FARS2: variants seen among roughly 807,000 people sequenced by gnomAD.
The protein encoded by FARS2 is phenylalanine--tRNA ligase, mitochondrial.
In FARS2, 40 loss-of-function variants were observed where a neutral mutation model predicts 46.4. The ratio of observed to expected loss-of-function variants is 0.86; its 90% CI spans 0.67 to 1.12. The LOEUF (loss-of-function observed/expected upper bound fraction) is 1.12. FARS2 is among the 50% of genes most tolerant of loss of function. The pLI, the probability that FARS2 is intolerant of heterozygous loss-of-function variation, is 0.00. For synonymous variants in FARS2, 234 were observed against 214.9 expected, an observed-to-expected ratio of 1.09 and a Z score of -0.78; for missense variants, 513 against 567.9, an observed-to-expected ratio of 0.90 and a Z score of 0.98.
At chr6:5,279,372 C>T (rs1191028504) in intron 1 of FARS2, among the ~76,000 whole-genome samples, 9 of 55,098 alleles carry the variant, frequency 1.6e-4, no homozygotes, top group Non-Finnish European at 2.3e-4. Context: ...AAGACTCCCT[C>T]TCAAAAAAAA....
chr6:5,405,744 G>A (rs1174294871), intron 3 of FARS2, among the ~76,000 whole-genome samples: 3 of 151,962 alleles, frequency 2.0e-5, no homozygotes, highest in East Asian at 1.9e-4. Context: ...CACCCGCCTC[G>A]GCCTCCCAAA....
intron 6 of FARS2, among the ~76,000 whole-genome samples, chr6:5,719,655 C>T (rs1273281317): frequency 6.6e-6 from 1 of 152,042 alleles, no homozygotes; most frequent in Non-Finnish European, 1.5e-5. Flanking sequence ...TGGACTTTAC[C>T]AGAAGTTCCA....
chr6:5,758,534 T>A (rs11963313), intron 6 of FARS2, among the ~76,000 whole-genome samples: 2 of 152,206 alleles, frequency 1.3e-5, no homozygotes, highest in African/African-American at 4.8e-5. Flanking sequence ...CTCACTTCTC[T>A]TACAAAGAGG....
chr6:5,458,599 A>G (rs1048747839), intron 4 of FARS2, among the ~76,000 whole-genome samples: 1 of 152,088 alleles, frequency 6.6e-6, no homozygotes, highest in African/African-American at 2.4e-5. Flanking sequence ...CAGTTATATA[A>G]TCCACCTCAT....
intron 2 of FARS2, among the ~76,000 whole-genome samples, chr6:5,374,120 G>A (rs1404528288): frequency 6.6e-6 from 1 of 152,116 alleles, no homozygotes; most frequent in Non-Finnish European, 1.5e-5. Context: ...AACAATGTGG[G>A]AAGGTGGATT....
At chr6:5,360,731 T>C (rs1482079831) in intron 1 of FARS2, among the ~76,000 whole-genome samples, 1 of 152,226 alleles carries the variant, frequency 6.6e-6, no homozygotes, top group Non-Finnish European at 1.5e-5. Context: ...GCCCATGAAC[T>C]TTAAAAAATT....
rs189683910 is a variant in FARS2, at chr6:5,412,786, C to A, written c.772+8085C>A. 4.5e-3 allele frequency among the ~76,000 whole-genome samples: 685 copies of A among 152,246 alleles called. 1 individual carries two copies. Among genetic ancestry groups the A allele is most frequent in the Non-Finnish European group, 7.6e-3 (514 of 68,030 alleles). ...GCTCTTTTGGGCTGGCTGCTGTTGC[C>A]TGGCTTGGGGAGTGTTATCCTTCTC... On this transcript the variant is annotated intron_variant, in intron 3 of 6. Transcript: ENST00000274680.
intron 5 of FARS2, among the ~76,000 whole-genome samples, chr6:5,605,986 G>T (rs986411306): frequency 6.6e-6 from 1 of 152,106 alleles, no homozygotes; most frequent in African/African-American, 2.4e-5. Flanking sequence ...TGTTACTGAA[G>T]AATTCACCCA....
intron 6 of FARS2, among the ~76,000 whole-genome samples, chr6:5,740,928 T>G (rs1381271393): frequency 6.6e-6 from 1 of 152,158 alleles, no homozygotes; most frequent in African/African-American, 2.4e-5. Flanking sequence ...GGAGCCTTAT[T>G]GAGGCAGAAT....
At chr6:5,534,863 A>G (rs1480962202) in intron 4 of FARS2, among the ~76,000 whole-genome samples, 2 of 151,988 alleles carry the variant, frequency 1.3e-5, no homozygotes, top group African/African-American at 2.4e-5. Flanking sequence ...GCACGCGCAC[A>G]CACACACACA....
intron 2 of FARS2, among the ~76,000 whole-genome samples, chr6:5,388,118 T>C (rs2127683512): frequency 6.6e-6 from 1 of 152,318 alleles, no homozygotes; most frequent in East Asian, 1.9e-4. Flanking sequence ...TCAGTTATCT[T>C]TGACAGTGGG....
intron 6 of FARS2, among the ~76,000 whole-genome samples, chr6:5,692,953 G>A (rs1223802472): frequency 6.6e-6 from 1 of 152,108 alleles, no homozygotes; most frequent in Admixed American, 6.6e-5. Flanking sequence ...CTCCCCACCA[G>A]AAATGAGGAT....
intron 1 of FARS2, among the ~76,000 whole-genome samples, chr6:5,315,701 A>C (rs1000771081): frequency 1.5e-4 from 9 of 59,818 alleles, no homozygotes; most frequent in African/African-American, 4.1e-4. Context: ...TTATTTCTAA[A>C]GCGTATATTG....
intron 3 of FARS2, among the ~76,000 whole-genome samples, chr6:5,410,376 G>T (rs1334944733): frequency 6.6e-6 from 1 of 151,766 alleles, no homozygotes; most frequent in African/African-American, 2.4e-5. Flanking sequence ...TGTCCACACT[G>T]GTCTCGAACT....
chr6:5,620,482 G>C (rs1329527133), intron 6 of FARS2, among the ~76,000 whole-genome samples: 3 of 152,170 alleles, frequency 2.0e-5, no homozygotes, highest in Non-Finnish European at 4.4e-5. Context: ...GGACAAGCTG[G>C]ACAAATTAAC....
At chr6:5,697,771 G>C (rs1484398583) in intron 6 of FARS2, among the ~76,000 whole-genome samples, 2 of 152,260 alleles carry the variant, frequency 1.3e-5, no homozygotes, top group East Asian at 3.9e-4. Flanking sequence ...TCTCATTTCA[G>C]GGTAAAGTTT....
chr6:5,438,653 A>T (rs750881568), intron 4 of FARS2, among the ~76,000 whole-genome samples: 1 of 152,138 alleles, frequency 6.6e-6, no homozygotes, highest in Non-Finnish European at 1.5e-5. Flanking sequence ...ATACATGTTG[A>T]ATATCCATTA....
At chr6:5,592,224 A>G (rs566454148) in intron 5 of FARS2, among the ~76,000 whole-genome samples, 1 of 152,250 alleles carries the variant, frequency 6.6e-6, no homozygotes, top group Non-Finnish European at 1.5e-5. Context: ...ATCTCTACAA[A>G]AAAATACAAA....
intron 5 of FARS2, among the ~76,000 whole-genome samples, chr6:5,606,992 A>C (rs989329596): frequency 6.6e-6 from 1 of 152,160 alleles, no homozygotes; most frequent in African/African-American, 2.4e-5. Context: ...TTCCAGTGCT[A>C]TTTGGTGTAC....
Sources: gnomAD v4.1 joint callset for allele counts (sites outside exome capture counted in the v4.1 genomes callset) on GRCh38, gnomAD v4.1.1 for gene constraint, MANE v1.5 for transcripts, NCBI Gene and HGNC (gene_info 2026-07-23, HGNC 2026-07-21) for gene names.